APP: variants seen among roughly 807,000 people sequenced by gnomAD.
APP encodes the protein amyloid beta precursor protein.
APP carries 31 observed loss-of-function variants against 101.4 expected under a neutral mutation model. The ratio of observed to expected loss-of-function variants is 0.31; its 90% confidence interval spans 0.23 to 0.41. APP has a LOEUF of 0.41. Ranked by LOEUF, APP falls within the 10% of genes least tolerant of loss-of-function variation. APP has a pLI of 1.00. For synonymous variants in APP, 366 were observed against 364.4 expected (o/e 1.00, Z -0.05); for missense variants, 839 against 1,003.7 (o/e 0.84, Z 2.22).
chr21:25,954,763 T>A, intron 12 of APP, 74 bp from the exon 13 acceptor site: 1 of 1,023,546 alleles, frequency 9.8e-7, no homozygotes, highest in Non-Finnish European at 1.4e-6. Flanking sequence ...TCTTTTTTTC[T>A]TTTTTTTTTG....
intron 1 of APP, among the ~76,000 whole-genome samples, chr21:26,119,515 G>A (rs1164585453): frequency 2.6e-5 from 4 of 152,172 alleles, no homozygotes. Context: ...CAAAGTAGAA[G>A]TCCAAATCTC....
At chr21:26,142,012 C>T (rs2063056451) in intron 1 of APP, among the ~76,000 whole-genome samples, 1 of 152,136 alleles carries the variant, frequency 6.6e-6, no homozygotes, top group Non-Finnish European at 1.5e-5. Flanking sequence ...CCTAGCCACA[C>T]TATATACATA....
At chr21:26,071,090 T>C (rs1568937275) in intron 3 of APP, among the ~76,000 whole-genome samples, 1 of 152,210 alleles carries the variant, frequency 6.6e-6, no homozygotes, top group Admixed American at 6.5e-5. Flanking sequence ...ATCATTTAAA[T>C]ATGTGTCATT....
chr21:25,913,116 A>T (rs1442092927), intron 13 of APP, among the ~76,000 whole-genome samples: 1 of 152,264 alleles, frequency 6.6e-6, no homozygotes, highest in Non-Finnish European at 1.5e-5. Flanking sequence ...TTTGATTTGT[A>T]ACATTTTACA....
chr21:25,938,937 T>C (rs1229444998), intron 13 of APP, among the ~76,000 whole-genome samples: 1 of 152,170 alleles, frequency 6.6e-6, no homozygotes, highest in Non-Finnish European at 1.5e-5. Flanking sequence ...ACACCCAGAC[T>C]CAGGCTCCTA....
chr21:25,900,987 CAAAA>C (rs71183520), intron 15 of APP, among the ~76,000 whole-genome samples: 7 of 118,584 alleles, frequency 5.9e-5, no homozygotes, highest in African/African-American at 1.4e-4. Context: ...GACTCCATCT[CAAAA>C]AAAAAAAAAA....
chr21:26,021,953 C>T lies in APP; in HGVS notation c.752G>A (p.Gly251Asp), dbSNP rs775431597. 3 of 1,613,726 alleles carry T rather than the reference C, an allele frequency of 1.9e-6. No individual in the cohort carries two copies. Among genetic ancestry groups the T allele is most frequent in the South Asian group, 2.2e-5 (2 of 91,056 alleles). Residue 251 changes from glycine to aspartate, a missense_variant, in exon 6 of 18, where the codon GGT (glycine) becomes GAT (aspartate). Coordinates refer to ENST00000346798, the MANE Select transcript of APP (RefSeq NM_000484.4). The stretch of plus-strand genomic sequence containing the variant: ...CTCAGCCTCTTCCTCTACCTCATCA[C>T]CATCCTCATCGTCCTCGTCATCATC... ...EADDDEDDED[G>D]DEVEEEAEEP... is the part of the protein sequence containing the mutation.
rs574718625 is a variant in APP, at chr21:26,050,756, G to T, written c.662+244C>A. Among the ~76,000 whole-genome samples, 13 of 152,270 alleles carry T rather than the reference G, an allele frequency of 8.5e-5. No individual in the cohort carries two copies. The South Asian group carries it at 2.3e-3, about 27-fold the overall frequency. ...TACCAGTAACCTATGATAGTTATCA[G>T]TGGGATTTTGATCCCAAGTTTAATA... On this transcript the variant is annotated intron_variant, in intron 5 of 17. Coordinates refer to ENST00000346798, the MANE Select transcript of APP (RefSeq NM_000484.4).
intron 1 of APP, among the ~76,000 whole-genome samples, chr21:26,126,156 C>G (rs532853128): frequency 3.9e-5 from 6 of 152,290 alleles, no homozygotes; most frequent in African/African-American, 1.4e-4. Context: ...TTCAAATAAA[C>G]TAAGAGAAGA....
chr21:26,020,745 G>T (rs2044299437), intron 6 of APP, among the ~76,000 whole-genome samples: 1 of 152,022 alleles, frequency 6.6e-6, no homozygotes, highest in South Asian at 2.1e-4. Flanking sequence ...ACTCTTTAAG[G>T]AACAAATGCA....
chr21:26,032,805 A>ATAT (rs1555851833), intron 5 of APP, among the ~76,000 whole-genome samples: 1,917 of 124,404 alleles, frequency 0.015, 36 homozygotes, highest in African/African-American at 0.04. Flanking sequence ...AAAAAAAAAA[A>ATAT]ATATATATAT....
intron 6 of APP, among the ~76,000 whole-genome samples, chr21:26,010,428 GTTTAT>G (rs776386601): frequency 6.6e-6 from 1 of 151,914 alleles, no homozygotes; most frequent in Non-Finnish European, 1.5e-5. Context: ...GCATATTTTT[GTTTAT>G]TTTACTTTTT....
At position 25,950,226 on chromosome 21, in the gene APP, C is replaced by A. The variant is rs150619546; in HGVS notation, c.1687+4364G>T. Among the ~76,000 whole-genome samples, 409 of 152,292 alleles carry A rather than the reference C, an allele frequency of 2.7e-3. 2 individuals carry two copies. Among genetic ancestry groups the A allele is most frequent in the African/African-American group, 9.3e-3 (385 of 41,546 alleles). ...ATCAGCATTATCACAAAGAGGCACT[C>A]ATTAGTTGGTTACATGGTTGTCACT... On this transcript the variant is annotated intron_variant, in intron 13 of 17. Coordinates refer to ENST00000346798, the MANE Select transcript of APP (RefSeq NM_000484.4).
At chr21:25,952,799 A>C (rs572982726) in intron 13 of APP, among the ~76,000 whole-genome samples, 5 of 152,342 alleles carry the variant, frequency 3.3e-5, no homozygotes, top group African/African-American at 1.2e-4. Flanking sequence ...GCTTCAGTTC[A>C]TTAAGACTGA....
chr21:25,976,417 C>A (rs747937464), intron 9 of APP, among the ~76,000 whole-genome samples: 1 of 152,090 alleles, frequency 6.6e-6, no homozygotes, highest in Admixed American at 6.6e-5. Context: ...ATGAAAGCAA[C>A]TGAAACCATT....
At chr21:25,920,376 A>G (rs2039571090) in intron 13 of APP, among the ~76,000 whole-genome samples, 1 of 152,224 alleles carries the variant, frequency 6.6e-6, no homozygotes, top group Non-Finnish European at 1.5e-5. Flanking sequence ...CACACATAAC[A>G]GTATTAACTT....
intron 5 of APP, among the ~76,000 whole-genome samples, chr21:26,049,616 C>G (rs1216783481): frequency 2.0e-5 from 3 of 152,036 alleles, no homozygotes; most frequent in Non-Finnish European, 4.4e-5. Context: ...TTAGAAATCC[C>G]AGAAGCAACT....
rs553524556 is a variant in APP at position 25,994,873 on chromosome 21, T to C, written c.1090+2487A>G. Among the ~76,000 whole-genome samples the C allele has an allele frequency of 4.6e-5, 7 of 152,352 alleles. No individual in the cohort carries two copies. In the South Asian group the frequency reaches 1.4e-3, roughly 32 times the overall value. On this transcript the variant is annotated intron_variant, in intron 8 of 17. Coordinates refer to ENST00000346798, the MANE Select transcript of APP (RefSeq NM_000484.4). ...TAAGACCACATAGCTGCACAGGCTA[T>C]AAATAACTAGAAATTATATGTTTTT...
At chr21:25,979,335 T>C (rs915390435) in intron 9 of APP, among the ~76,000 whole-genome samples, 8 of 152,242 alleles carry the variant, frequency 5.3e-5, no homozygotes, top group South Asian at 2.1e-4. Flanking sequence ...TGGATTCTTA[T>C]AAAGCAATTT....
Sources: allele counts gnomAD v4.1 joint callset (sites outside exome capture counted in the v4.1 genomes callset), GRCh38; gene constraint gnomAD v4.1.1; transcripts MANE v1.5; gene names NCBI Gene and HGNC (gene_info 2026-07-23, HGNC 2026-07-21).